The following MYO1E variants were observed in gnomAD, a reference collection of about 807,000 sequenced individuals.
MYO1E encodes unconventional myosin-Ie.
In MYO1E, 68 loss-of-function variants were observed where a neutral mutation model predicts 151.1. The observed-to-expected ratio is 0.45, with a 90% CI of 0.37 to 0.55. MYO1E has a LOEUF of 0.55. Among genes scored for constraint, MYO1E ranks in the 20% least tolerant of loss-of-function variants. The pLI is 0.00. For synonymous variants in MYO1E, 601 were observed against 501.7 expected, an observed-to-expected ratio of 1.20 and a Z score of -2.64; for missense variants, 1,363 against 1,389.3, an observed-to-expected ratio of 0.98 and a Z score of 0.30.
intron 1 of MYO1E, among the ~76,000 whole-genome samples, chr15:59,334,687 T>C (rs1399423952): frequency 6.6e-6 from 1 of 152,210 alleles, no homozygotes; most frequent in Non-Finnish European, 1.5e-5. Context: ...ATTAAGTCTC[T>C]GAAAGACGAT....
intron 14 of MYO1E, chr15:59,206,855 G>T: frequency 2.2e-6 from 3 of 1,395,260 alleles, no homozygotes; most frequent in Non-Finnish European, 2.9e-6. Flanking sequence ...AGTGCTGAAG[G>T]TCCTGCCAAC....
intron 5 of MYO1E, among the ~76,000 whole-genome samples, chr15:59,234,093 T>G (rs2080045750): frequency 6.6e-6 from 1 of 152,188 alleles, no homozygotes; most frequent in South Asian, 2.1e-4. Flanking sequence ...CATCTTCCTT[T>G]CATTCAGAGA....
intron 1 of MYO1E, among the ~76,000 whole-genome samples, chr15:59,322,568 T>C (rs1195163848): frequency 6.6e-6 from 1 of 152,222 alleles, no homozygotes; most frequent in Non-Finnish European, 1.5e-5. Flanking sequence ...AGTGCTTACC[T>C]AGCATGTGTA....
At chr15:59,362,230 T>G (rs1402423157) in intron 1 of MYO1E, among the ~76,000 whole-genome samples, 1 of 152,242 alleles carries the variant, frequency 6.6e-6, no homozygotes, top group Non-Finnish European at 1.5e-5. Context: ...ATTTTGTGTT[T>G]TTGACATTTT....
At chr15:59,246,582 G>C (rs761433766) in intron 4 of MYO1E, among the ~76,000 whole-genome samples, 1 of 152,144 alleles carries the variant, frequency 6.6e-6, no homozygotes, top group Non-Finnish European at 1.5e-5. Context: ...TGCTGCAATA[G>C]ATTTCCATAT....
At chr15:59,208,325 T>C (rs1490661351) in intron 14 of MYO1E, 2 of 562,768 alleles carry the variant, frequency 3.6e-6, no homozygotes, top group African/African-American at 1.9e-5. Context: ...CCATGTTATA[T>C]ATATGTAGTT....
At position 59,174,228 on chromosome 15, in the gene MYO1E, C is replaced by G; in HGVS notation, c.2062G>C (p.Glu688Gln). 1.9e-6 allele frequency: 3 copies of G among 1,611,990 alleles called. No individual in the cohort carries two copies. The highest frequency in any genetic ancestry group is 2.5e-6 in the Non-Finnish European group (3 of 1,178,156). The change falls in exon 20 of 28, where the codon GAA becomes CAA. Residue 688 changes from glutamate to glutamine, a missense_variant. Coordinates refer to ENST00000288235, the MANE Select transcript of MYO1E (RefSeq NM_004998.4). ...IKAPESLFLL[E>Q]EMRERKYDGY... ...TCATACTTTCTCTCTCTCATCTCTT[C>G]TAAAAGAAATAGCTGTGAATGGAGA...
rs1331267176 is a variant in MYO1E at position 59,174,224 on chromosome 15, T to A, written c.2066A>T (p.Glu689Val). 3 of 1,612,946 alleles carry A rather than the reference T, an allele frequency of 1.9e-6. No homozygotes were observed. The highest frequency in any genetic ancestry group is 2.7e-5 in the African/African-American group (2 of 74,914). The change falls in exon 20 of 28, where the codon GAG becomes GTG. Residue 689 changes from glutamate to valine, a missense_variant. Coordinates refer to ENST00000288235, the MANE Select transcript of MYO1E (RefSeq NM_004998.4). Reference sequence around the variant, plus strand: ...CCCATCATACTTTCTCTCTCTCATCTCTTCTAAAAGAAATAGCTGTGAATG... The same window carrying A: ...CCCATCATACTTTCTCTCTCTCATCACTTCTAAAAGAAATAGCTGTGAATG... Reference protein sequence around the residue: ...KAPESLFLLEEMRERKYDGYA... With the variant: ...KAPESLFLLEVMRERKYDGYA...
intron 5 of MYO1E, among the ~76,000 whole-genome samples, chr15:59,233,495 C>G (rs3794489): frequency 0.17 from 26,379 of 151,678 alleles, 3,212 homozygotes; most frequent in East Asian, 0.6. Context: ...GAAACCCCAT[C>G]TCTACTAAAA....
In MYO1E at chr15:59,195,459, A is replaced by T. The variant is rs1419809414; in HGVS notation, c.1805+2T>A. On this transcript the variant is annotated splice_donor_variant, in intron 17 of 27. Transcript: ENST00000288235. LOFTEE classifies it high-confidence loss of function. ...CCCACCTAAGCCGGTTTCCCCCGAT[A>T]CCTGCTTTCCTCCCAGTCTCTGGGC... 2 of 1,611,180 alleles carry T rather than the reference A, an allele frequency of 1.2e-6. No homozygotes were observed. The highest frequency in any genetic ancestry group is 1.7e-6 in the Non-Finnish European group (2 of 1,177,372).
intron 1 of MYO1E, among the ~76,000 whole-genome samples, chr15:59,307,942 C>T (rs373626042): frequency 2.7e-5 from 4 of 145,844 alleles, no homozygotes; most frequent in East Asian, 2.4e-4. Context: ...TTGGGGCTGG[C>T]GCGGTGGCTC....
chr15:59,355,474 C>T (rs1237807085), intron 1 of MYO1E, among the ~76,000 whole-genome samples: 4 of 152,164 alleles, frequency 2.6e-5, no homozygotes, highest in Admixed American at 6.5e-5. Flanking sequence ...CACCCAGCCA[C>T]CTGGAGCTGG....
At chr15:59,206,472 G>A (rs2079834724) in intron 14 of MYO1E, among the ~76,000 whole-genome samples, 1 of 152,156 alleles carries the variant, frequency 6.6e-6, no homozygotes, top group Admixed American at 6.5e-5. Context: ...GAAAGCAGGC[G>A]CCCAATTCTG....
At chr15:59,300,866 C>CTT (rs58955743) in intron 1 of MYO1E, among the ~76,000 whole-genome samples, 81 of 127,100 alleles carry the variant, frequency 6.4e-4, no homozygotes, top group Non-Finnish European at 9.8e-4. Context: ...CCTTTTTTTT[C>CTT]TTTTTTTTTT....
At chr15:59,195,215 C>T (rs183048456) in intron 17 of MYO1E, among the ~76,000 whole-genome samples, 1 of 152,248 alleles carries the variant, frequency 6.6e-6, no homozygotes, top group East Asian at 1.9e-4. Context: ...TTTCCATCTG[C>T]CCCCAGACTA....
chr15:59,308,434 G>C (rs1222555536), intron 1 of MYO1E, among the ~76,000 whole-genome samples: 5 of 151,998 alleles, frequency 3.3e-5, no homozygotes, highest in African/African-American at 1.2e-4. Context: ...CACTTTGGGA[G>C]GCCAAGGCGG....
Position 59,260,689 on chromosome 15 carries a change from C to T in MYO1E, c.237+731G>A, listed in dbSNP as rs374187921. Among the ~76,000 whole-genome samples, 4 of 152,010 alleles carry T rather than the reference C, an allele frequency of 2.6e-5. No homozygotes were observed. In the East Asian group the frequency reaches 7.7e-4, roughly 29 times the overall value. ...GGTCAAATTAATAAATGAAGTAATA[C>T]AAGATTCATTTTTCATGTTGAAGTC... On this transcript the variant is annotated intron_variant, in intron 3 of 27. Coordinates refer to ENST00000288235, the MANE Select transcript of MYO1E (RefSeq NM_004998.4).
chr15:59,231,771 C>A lies in MYO1E; in HGVS notation c.441G>T (p.Leu147=). 1.2e-6 allele frequency: 2 copies of A among 1,614,196 alleles called. No homozygotes were observed. The highest frequency in any genetic ancestry group is 4.5e-5 in the East Asian group (2 of 44,882). The change falls in exon 6 of 28, where the codon CTG becomes CTT. Residue 147 remains leucine, a synonymous_variant. Transcript: ENST00000288235. ...TKVQHVKDII[L]QSNPLLEAFG... ...AGGCCTCCAGCAGCGGGTTGGACTG[C>A]AGGATAATGTCCTTCACGTGCTGTC... is the stretch of plus-strand genomic sequence containing the variant.
rs541986702 is a variant in MYO1E at position 59,288,270 on chromosome 15, G to T, written c.4-15821C>A. On this transcript the variant is annotated intron_variant, in intron 1 of 27. Transcript: ENST00000288235. ...AGCTCACTGCAGCCTGGGCCTCCTG[G>T]GCTCAAGTGATTCTTCTGCCTCGGC... Among the ~76,000 whole-genome samples, 49 of 152,202 alleles carry T rather than the reference G, an allele frequency of 3.2e-4. No homozygotes were observed. In the East Asian group the frequency reaches 9.3e-3, roughly 29 times the overall value.
Sources: gnomAD v4.1 joint callset for allele counts (sites outside exome capture counted in the v4.1 genomes callset) on GRCh38, gnomAD v4.1.1 for gene constraint, MANE v1.5 for transcripts, NCBI Gene and HGNC (gene_info 2026-07-23, HGNC 2026-07-21) for gene names.